The following HMBOX1 variants were observed in gnomAD, a reference collection of about 807,000 sequenced individuals.
The protein encoded by HMBOX1 is homeobox containing 1, also known as homeobox-containing protein 1.
In HMBOX1, 14 loss-of-function variants were observed where a neutral mutation model predicts 54.5. That is an observed-to-expected ratio of 0.26 (90% CI 0.17 to 0.40). The LOEUF (loss-of-function observed/expected upper bound fraction) is 0.40, where lower values mean the gene tolerates loss of function less well. HMBOX1 is among the 10% of genes least tolerant of loss of function. The pLI is 1.00. For missense variants in HMBOX1, 332 were observed against 514.4 expected (o/e 0.65, Z 3.43); for synonymous variants, 160 against 181.0 (o/e 0.88, Z 0.93).
chr8:28,927,912 G>A (rs963582590), intron 1 of HMBOX1, among the ~76,000 whole-genome samples: 11 of 150,470 alleles, frequency 7.3e-5, no homozygotes, highest in African/African-American at 2.0e-4. Flanking sequence ...TGAGGCAGAC[G>A]GATCACAAGG....
chr8:28,991,386 T>C (rs1830961341), intron 4 of HMBOX1, among the ~76,000 whole-genome samples: 2 of 152,232 alleles, frequency 1.3e-5, no homozygotes, highest in Non-Finnish European at 2.9e-5. Flanking sequence ...GTCCTTGTGA[T>C]GCCTGAGTAA....
chr8:28,948,227 T>C (rs1360587114), intron 1 of HMBOX1, among the ~76,000 whole-genome samples: 1 of 152,226 alleles, frequency 6.6e-6, no homozygotes, highest in South Asian at 2.1e-4. Flanking sequence ...ATTGTACTTA[T>C]CATGACCTGA....
chr8:28,978,052 G>T (rs573145529), intron 3 of HMBOX1, among the ~76,000 whole-genome samples: 29 of 152,220 alleles, frequency 1.9e-4, no homozygotes, highest in African/African-American at 6.5e-4. Flanking sequence ...ACTGCATTAG[G>T]CAGCTGATTA....
intron 6 of HMBOX1, among the ~76,000 whole-genome samples, chr8:29,038,223 T>G (rs1309829357): frequency 6.6e-6 from 1 of 152,204 alleles, no homozygotes; most frequent in Non-Finnish European, 1.5e-5. Context: ...TCTCATCTCT[T>G]ATAAATTATT....
chr8:28,900,152 G>A (rs191916835), intron 1 of HMBOX1, among the ~76,000 whole-genome samples: 37 of 150,732 alleles, frequency 2.5e-4, no homozygotes, highest in African/African-American at 8.5e-4. Context: ...GGGAGGCTAA[G>A]GCAGGAGAAT....
intron 5 of HMBOX1, among the ~76,000 whole-genome samples, chr8:29,010,729 A>G (rs1363917853): frequency 2.0e-5 from 3 of 152,068 alleles, no homozygotes; most frequent in South Asian, 2.1e-4. Flanking sequence ...ATTTCATATT[A>G]TCATTTTATA....
chr8:29,046,965 G>A (rs1333422277), intron 7 of HMBOX1, among the ~76,000 whole-genome samples: 2 of 152,194 alleles, frequency 1.3e-5, no homozygotes, highest in African/African-American at 4.8e-5. Flanking sequence ...CTGGGTAAGA[G>A]AATGAGACCC....
rs928571514 is a variant in HMBOX1 at position 29,044,213 on chromosome 8, C to G, written c.852-1148C>G. On this transcript the variant is annotated intron_variant, in intron 6 of 9. Coordinates refer to ENST00000287701, the MANE Select transcript of HMBOX1 (RefSeq NM_001135726.3). ...TATTCACAATAGGATGGCATTTCCA[C>G]CAATGCAGACAGGAGTGCTGAAGGC... Among the ~76,000 whole-genome samples the G allele has an allele frequency of 2.0e-5, 3 of 152,096 alleles. No homozygotes were observed. In the East Asian group the frequency reaches 5.8e-4, roughly 29 times the overall value.
chr8:29,033,471 T>C (rs1474714548), intron 6 of HMBOX1, among the ~76,000 whole-genome samples: 1 of 152,196 alleles, frequency 6.6e-6, no homozygotes. Context: ...TTCCCACTTA[T>C]TGACAGGTAA....
intron 9 of HMBOX1, 47 bp from the exon 10 acceptor site, chr8:29,050,971 G>C: frequency 6.3e-7 from 1 of 1,585,446 alleles, no homozygotes; most frequent in Non-Finnish European, 8.6e-7. Context: ...TGTGACTAAA[G>C]AATTCTTCCA....
chr8:29,007,669 T>A (rs1833655623), intron 4 of HMBOX1, among the ~76,000 whole-genome samples: 1 of 151,900 alleles, frequency 6.6e-6, no homozygotes, highest in African/African-American at 2.4e-5. Context: ...AAATAAGAAA[T>A]TAGCTGGATG....
At chr8:28,896,072 C>T (rs933635443) in intron 1 of HMBOX1, among the ~76,000 whole-genome samples, 1 of 152,146 alleles carries the variant, frequency 6.6e-6, no homozygotes, top group Non-Finnish European at 1.5e-5. Flanking sequence ...TGGTTTTTGC[C>T]AGTTACTAGC....
intron 4 of HMBOX1, among the ~76,000 whole-genome samples, chr8:28,995,847 A>G (rs965439751): frequency 2.0e-5 from 3 of 152,210 alleles, no homozygotes; most frequent in Non-Finnish European, 4.4e-5. Flanking sequence ...TCACGCCTGT[A>G]ATCCCAGCAC....
At chr8:28,903,913 T>G (rs916137508) in intron 1 of HMBOX1, among the ~76,000 whole-genome samples, 1 of 152,240 alleles carries the variant, frequency 6.6e-6, no homozygotes, top group African/African-American at 2.4e-5. Flanking sequence ...TTGCCACTAC[T>G]GCAATGGGAG....
At chr8:29,039,658 G>A (rs527938538) in intron 6 of HMBOX1, among the ~76,000 whole-genome samples, 10 of 152,100 alleles carry the variant, frequency 6.6e-5, no homozygotes, top group African/African-American at 2.4e-4. Flanking sequence ...CTCCTTTTGT[G>A]AGTAGATAGA....
At chr8:29,047,148 T>C (rs1935250379) in intron 7 of HMBOX1, among the ~76,000 whole-genome samples, 1 of 152,244 alleles carries the variant, frequency 6.6e-6, no homozygotes, top group Non-Finnish European at 1.5e-5. Context: ...GTGTTACTAG[T>C]TGTTGTTTTT....
At chr8:28,905,059 A>G (rs1814021437) in intron 1 of HMBOX1, among the ~76,000 whole-genome samples, 1 of 152,226 alleles carries the variant, frequency 6.6e-6, no homozygotes, top group Non-Finnish European at 1.5e-5. Flanking sequence ...GTAAGGGAAT[A>G]AACCAGCTTA....
At chr8:29,010,137 A>G (rs780204281) in intron 5 of HMBOX1, 11 of 977,822 alleles carry the variant, frequency 1.1e-5, no homozygotes, top group African/African-American at 1.8e-5. Flanking sequence ...AAAAGAACCT[A>G]TCAACCTCTA....
intron 1 of HMBOX1, among the ~76,000 whole-genome samples, chr8:28,914,242 G>T (rs913003594): frequency 3.9e-5 from 6 of 152,108 alleles, no homozygotes; most frequent in African/African-American, 1.4e-4. Context: ...GGTAAGTTCA[G>T]TGTGTACATT....
Sources: gnomAD v4.1 joint callset for allele counts (sites outside exome capture counted in the v4.1 genomes callset) on GRCh38, gnomAD v4.1.1 for gene constraint, MANE v1.5 for transcripts, NCBI Gene and HGNC (gene_info 2026-07-23, HGNC 2026-07-21) for gene names.